The following TXNRD3 variants were observed in gnomAD, a reference collection of about 807,000 sequenced individuals.
TXNRD3 encodes TXNRD3 neighbor gene protein.
TXNRD3 carries 68 observed loss-of-function variants against 78.2 expected under a neutral mutation model. The ratio of observed to expected loss-of-function variants is 0.87; its 90% confidence interval spans 0.72 to 1.06. The LOEUF (loss-of-function observed/expected upper bound fraction) is 1.06, where lower values mean the gene tolerates loss of function less well. TXNRD3 is among the 50% of genes least tolerant of loss of function. TXNRD3 has a pLI of 0.00. For missense variants in TXNRD3, 751 were observed against 809.5 expected (o/e 0.93, Z 0.88); for synonymous variants, 296 against 300.1 (o/e 0.99, Z 0.14).
intron 5 of TXNRD3, among the ~76,000 whole-genome samples, chr3:126,642,509 C>T (rs543668138): frequency 2.2e-4 from 33 of 152,246 alleles, no homozygotes; most frequent in Non-Finnish European, 4.0e-4. Context: ...TCTGACTCCT[C>T]GGAGCCACGT....
chr3:126,618,527 C>T (rs893359889), intron 12 of TXNRD3, among the ~76,000 whole-genome samples: 1 of 152,104 alleles, frequency 6.6e-6, no homozygotes, highest in East Asian at 1.9e-4. Flanking sequence ...AAGAATGAAA[C>T]TGTACCTCTA....
intron 7 of TXNRD3, among the ~76,000 whole-genome samples, chr3:126,632,880 G>A (rs1443428119): frequency 3.9e-5 from 6 of 152,050 alleles, no homozygotes; most frequent in Non-Finnish European, 5.9e-5. Context: ...GGAGTTTCTC[G>A]CCTGCAGACT....
At chr3:126,647,363 G>A (rs1933265496) in intron 1 of TXNRD3, 67 bp from the exon 2 acceptor site, 7 of 1,092,142 alleles carry the variant, frequency 6.4e-6, no homozygotes, top group African/African-American at 1.6e-5. Flanking sequence ...TATGAACATA[G>A]TAATGAGAGA....
intron 1 of TXNRD3, 21 bp downstream of exon 1, chr3:126,654,727 A>T (rs1933470579): frequency 7.8e-7 from 1 of 1,282,948 alleles, no homozygotes; most frequent in Admixed American, 3.7e-5. Flanking sequence ...GCGCGGTGGA[A>T]CCGGCGAGGG....
At chr3:126,609,073 C>A in intron 14 of TXNRD3, 1 of 330,262 alleles carries the variant, frequency 3.0e-6, no homozygotes. Context: ...AAAGGAGAGG[C>A]TGGTGCAGGG....
chr3:126,622,331 T>C (rs145206070), intron 11 of TXNRD3, 133 bp downstream of exon 11: 230 of 596,126 alleles, frequency 3.9e-4, no homozygotes, highest in Admixed American at 3.3e-3. Context: ...AGAAATTGAT[T>C]ATAAAGAGCT....
chr3:126,615,689 G>A (rs1178210927), intron 12 of TXNRD3, among the ~76,000 whole-genome samples: 4 of 152,130 alleles, frequency 2.6e-5, no homozygotes, highest in South Asian at 2.1e-4. Context: ...AAATGGGACC[G>A]GCTCTCCTGG....
intron 10 of TXNRD3, chr3:126,625,218 A>G (rs1328162932): frequency 1.3e-5 from 2 of 151,098 alleles, no homozygotes; most frequent in Non-Finnish European, 2.9e-5. Context: ...GGTTAGTTAC[A>G]TATGTATACA....
chr3:126,622,403 G>A, intron 11 of TXNRD3, 61 bp downstream of exon 11: 2 of 1,165,588 alleles, frequency 1.7e-6, no homozygotes, highest in Non-Finnish European at 2.4e-6. Flanking sequence ...ATTTCTTAGA[G>A]GTGATCTGCA....
intron 9 of TXNRD3, among the ~76,000 whole-genome samples, chr3:126,630,185 G>A (rs1288274722): frequency 2.0e-5 from 3 of 152,222 alleles, no homozygotes; most frequent in Admixed American, 6.5e-5. Context: ...AGTAAGATAA[G>A]GACAGAGACA....
Position 126,615,433 on chromosome 3 carries a change from C to A in TXNRD3, c.1554G>T (p.Val518=), listed in dbSNP as rs1351447993. The A allele has an allele frequency of 6.6e-7, 1 of 1,513,904 alleles. No individual in the cohort carries two copies. The highest frequency in any genetic ancestry group is 2.1e-5 in the Admixed American group (1 of 46,992). The allele number at this position is 1,513,904 out of a possible 1,614,324, so 93.8% of individuals were successfully genotyped here. A position where few individuals can be genotyped will look rare whatever the true frequency, so the allele number is the denominator to read the frequency against. ...AGCAACCATACTCCAGAGGAGTAAA[C>A]ACTGTAGTCGGAACATTAATATAAT... is the stretch of plus-strand genomic sequence containing the variant. The change falls in exon 13 of 16, where the codon GTG becomes GTT. Residue 518 remains valine (V), a synonymous_variant. Coordinates refer to ENST00000524230, the MANE Select transcript of TXNRD3 (RefSeq NM_052883.3).
At chr3:126,644,839 A>C (rs954717972) in intron 3 of TXNRD3, among the ~76,000 whole-genome samples, 7 of 152,238 alleles carry the variant, frequency 4.6e-5, no homozygotes, top group Non-Finnish European at 8.8e-5. Flanking sequence ...CTTCTCATAA[A>C]TCGATCTAAC....
chr3:126,639,344 T>G (rs1932997509), intron 6 of TXNRD3, among the ~76,000 whole-genome samples: 1 of 152,186 alleles, frequency 6.6e-6, no homozygotes, highest in Admixed American at 6.5e-5. Flanking sequence ...GTTTTCCTCC[T>G]TTTCCTCACC....
intron 2 of TXNRD3, 69 bp downstream of exon 2, chr3:126,647,167 T>C: frequency 8.1e-7 from 1 of 1,235,818 alleles, no homozygotes. Context: ...TTGAACAAAG[T>C]AAATGGAAAG....
chr3:126,623,399 A>C (rs997250950), intron 10 of TXNRD3, among the ~76,000 whole-genome samples: 1 of 152,252 alleles, frequency 6.6e-6, no homozygotes, highest in African/African-American at 2.4e-5. Context: ...TTAAAAGAAA[A>C]GAAATCCACA....
At chr3:126,639,972 C>T (rs76097983) in intron 6 of TXNRD3, among the ~76,000 whole-genome samples, 3,494 of 152,218 alleles carry the variant, frequency 0.023, 63 homozygotes, top group Non-Finnish European at 0.041. Flanking sequence ...TTATCTACAA[C>T]CAGCTGATCC....
Position 126,621,911 on chromosome 3 carries a change from GA to G in TXNRD3, c.1368-14del. ...TATTTTTCCACTCCTATTAGTTTTT[GA>G]AATGGGAAAAAATATATATTACAAC... On this transcript the variant is annotated splice_polypyrimidine_tract_variant and intron_variant, in intron 11 of 15. Coordinates refer to ENST00000524230, the MANE Select transcript of TXNRD3 (RefSeq NM_052883.3). The G allele has an allele frequency of 1.3e-6, 2 of 1,486,736 alleles. No homozygotes were observed. The highest frequency in any genetic ancestry group is 2.8e-5 in the African/African-American group (2 of 70,896). 92.1% of individuals were successfully genotyped at this position (1,486,736 alleles called of 1,614,324 possible).
At chr3:126,636,656 A>G (rs1716619) in intron 6 of TXNRD3, among the ~76,000 whole-genome samples, 143,651 of 152,220 alleles carry the variant, frequency 0.94, 67,882 homozygotes, top group Middle Eastern at 0.98. Context: ...TTGTTCCTTC[A>G]AGACACTACC....
chr3:126,634,159 G>T, intron 6 of TXNRD3, 108 bp from the exon 7 acceptor site: 1 of 981,218 alleles, frequency 1.0e-6, no homozygotes, highest in Non-Finnish European at 1.3e-6. Context: ...AAATCAAGAA[G>T]TAGACAATCA....
Sources: gnomAD v4.1 joint callset for allele counts (sites outside exome capture counted in the v4.1 genomes callset) on GRCh38, gnomAD v4.1.1 for gene constraint, MANE v1.5 for transcripts, NCBI Gene and HGNC (gene_info 2026-07-23, HGNC 2026-07-21) for gene names.